PPP2R3A: variants seen among roughly 807,000 people sequenced by gnomAD.
PPP2R3A encodes the protein serine/threonine-protein phosphatase 2A regulatory subunit B'' subunit alpha.
Under a neutral mutation model 106.9 loss-of-function variants are expected in PPP2R3A, and 80 were observed. The observed-to-expected ratio is 0.75, with a 90% CI of 0.62 to 0.90. The LOEUF is 0.90. Ranked by LOEUF, PPP2R3A falls within the 40% of genes least tolerant of loss-of-function variation. The pLI is 0.00. For missense variants in PPP2R3A, 1,386 were observed against 1,350.4 expected, an observed-to-expected ratio of 1.03 and a Z score of -0.41; for synonymous variants, 483 against 468.3, an observed-to-expected ratio of 1.03 and a Z score of -0.41.
intron 2 of PPP2R3A, among the ~76,000 whole-genome samples, chr3:136,022,342 C>T (rs1042181553): frequency 1.3e-5 from 2 of 152,014 alleles, no homozygotes; most frequent in African/African-American, 4.8e-5. Flanking sequence ...CTATGATAGT[C>T]TTTTGCTTTA....
chr3:136,110,666 G>A (rs1417577336), intron 13 of PPP2R3A, among the ~76,000 whole-genome samples: 1 of 152,210 alleles, frequency 6.6e-6, no homozygotes, highest in East Asian at 1.9e-4. Context: ...GCAAGTGTAT[G>A]TGGCTATGTT....
rs1443139571 is a variant in PPP2R3A at position 136,145,744 on chromosome 3, AGTCACTTTACATCCTCAGGTATT to A, written c.*581_*603del. The A allele has an allele frequency of 6.6e-6, 1 of 152,664 alleles. No individual in the cohort carries two copies. Among genetic ancestry groups the A allele is most frequent in the Non-Finnish European group, 1.5e-5 (1 of 68,058 alleles). 9.5% of individuals were successfully genotyped at this position (152,664 alleles called of 1,614,324 possible). A position where few individuals can be genotyped will look rare whatever the true frequency, so the allele number is the denominator to read the frequency against. ...TTTCACAGTTACCTGCCAAACTACT[AGTCACTTTACATCCTCAGGTATT>A]GTAACCACTGGGCCTTCCAACTTTG... is the stretch of plus-strand genomic sequence containing the variant. On this transcript the variant is annotated 3_prime_UTR_variant, in exon 14 of 14. Transcript: ENST00000264977.
rs200112736 is a variant in PPP2R3A at position 136,080,990 on chromosome 3, CTTTTTTCTTTT to C, written c.2632-1264_2632-1254del. Among the ~76,000 whole-genome samples the C allele has an allele frequency of 6.2e-3, 943 of 151,802 alleles. 13 individuals are homozygous for C. Among genetic ancestry groups the C allele is most frequent in the African/African-American group, 0.022 (894 of 41,438 alleles). ...AGTCCTCTTTGTCCCTCATGTGTTT[CTTTTTTCTTTT>C]TTTTTTCTTTGAGACGGAGTTTTGC... On this transcript the variant is annotated intron_variant, in intron 7 of 13. Coordinates refer to ENST00000264977, the MANE Select transcript of PPP2R3A (RefSeq NM_002718.5).
chr3:135,977,964 G>A (rs1006889490), intron 1 of PPP2R3A, among the ~76,000 whole-genome samples: 2 of 151,830 alleles, frequency 1.3e-5, no homozygotes, highest in Non-Finnish European at 2.9e-5. Context: ...GCCTCCCAAA[G>A]TGCCAGGATT....
intron 13 of PPP2R3A, among the ~76,000 whole-genome samples, chr3:136,121,590 G>C (rs1304018344): frequency 6.6e-6 from 1 of 151,842 alleles, no homozygotes; most frequent in Non-Finnish European, 1.5e-5. Context: ...TAAAATAAAA[G>C]TTGAAAAAGA....
At chr3:136,030,774 ATATATATGTATGTATGTATGTATGTATG>A (rs1934848471) in intron 3 of PPP2R3A, among the ~76,000 whole-genome samples, 1 of 124,112 alleles carries the variant, frequency 8.1e-6, no homozygotes, top group Admixed American at 7.9e-5. Flanking sequence ...ATATATATAT[ATATATATGTATGTATGTATGTATGTATG>A]TATGTATGTA....
chr3:136,106,216 G>C lies in PPP2R3A; in HGVS notation c.3223G>C (p.Asp1075His), dbSNP rs1937513528. 1 of 1,599,724 alleles carries C rather than the reference G, an allele frequency of 6.3e-7. No homozygotes were observed. ...EQRDPFAVQK[D>H]VENDGPEPSD... ...TCGTGGCTGTCTTCTTTCCAATCAGGATGTTGAGAACGATGGGCCTGAGCC... is the reference window on the plus strand; with the variant it reads ...TCGTGGCTGTCTTCTTTCCAATCAGCATGTTGAGAACGATGGGCCTGAGCC... The change falls in exon 13 of 14, where the codon GAT becomes CAT. Residue 1075 changes from aspartate (D) to histidine (H), a missense_variant and splice_region_variant. Asp to His is a moderately conservative substitution (Grantham distance 81). Transcript: ENST00000264977.
rs150652893 is a variant in PPP2R3A, at chr3:136,013,293, G to A, written c.1995+9800G>A. ...GGGCTGGTTCCATAGTTTTGCAATT[G>A]CAAATTGTGCTGCTATAAACGTGAG... is the stretch of plus-strand genomic sequence containing the variant. On this transcript the variant is annotated intron_variant, in intron 2 of 13. Coordinates refer to ENST00000264977, the MANE Select transcript of PPP2R3A (RefSeq NM_002718.5). Among the ~76,000 whole-genome samples, 1,108 of 151,986 alleles carry A rather than the reference G, an allele frequency of 7.3e-3. 17 individuals are homozygous for A. Among genetic ancestry groups the A allele is most frequent in the African/African-American group, 0.025 (1,054 of 41,464 alleles).
chr3:136,024,491 A>C (rs1290736080), intron 2 of PPP2R3A, among the ~76,000 whole-genome samples: 1 of 152,204 alleles, frequency 6.6e-6, no homozygotes, highest in African/African-American at 2.4e-5. Context: ...TGTTAAGTAC[A>C]CTAAGAAAAG....
intron 1 of PPP2R3A, among the ~76,000 whole-genome samples, chr3:135,991,009 C>G: frequency 6.6e-6 from 1 of 152,118 alleles, no homozygotes; most frequent in East Asian, 1.9e-4. Flanking sequence ...CTGCTAGCTC[C>G]CACACATCCC....
At chr3:136,092,960 G>A (rs923304278) in intron 10 of PPP2R3A, among the ~76,000 whole-genome samples, 1 of 152,064 alleles carries the variant, frequency 6.6e-6, no homozygotes, top group Non-Finnish European at 1.5e-5. Context: ...TAAGTCAAAT[G>A]GATCACAGCC....
chr3:136,138,895 GA>G (rs1265902180), intron 13 of PPP2R3A, among the ~76,000 whole-genome samples: 3 of 151,394 alleles, frequency 2.0e-5, no homozygotes, highest in Admixed American at 1.3e-4. Context: ...ATTTTTAGTA[GA>G]GACAGGGTTT....
At chr3:136,071,470 A>G (rs188390936) in intron 6 of PPP2R3A, among the ~76,000 whole-genome samples, 1 of 152,300 alleles carries the variant, frequency 6.6e-6, no homozygotes, top group East Asian at 1.9e-4. Flanking sequence ...TATCTAAGAC[A>G]ATCTCAGAAG....
At chr3:136,080,825 A>G (rs1019488337) in intron 7 of PPP2R3A, among the ~76,000 whole-genome samples, 2 of 152,194 alleles carry the variant, frequency 1.3e-5, no homozygotes, top group Admixed American at 1.3e-4. Flanking sequence ...TACTAGCTGC[A>G]TAATTTTCTA....
chr3:136,058,536 A>G (rs550911454), intron 5 of PPP2R3A, among the ~76,000 whole-genome samples: 1 of 152,228 alleles, frequency 6.6e-6, no homozygotes. Flanking sequence ...ATGGAAAAAC[A>G]TTCCATGCTC....
intron 5 of PPP2R3A, among the ~76,000 whole-genome samples, chr3:136,064,899 G>C (rs1265159857): frequency 6.6e-6 from 1 of 152,052 alleles, no homozygotes; most frequent in African/African-American, 2.4e-5. Context: ...TTAGTTTATA[G>C]CATCTAAAAT....
chr3:136,065,209 C>A (rs1936224595), intron 5 of PPP2R3A, among the ~76,000 whole-genome samples: 1 of 152,090 alleles, frequency 6.6e-6, no homozygotes, highest in African/African-American at 2.4e-5. Context: ...TGAGCTAAAT[C>A]CACATGTTTC....
At chr3:136,050,134 A>C (rs545208557) in intron 5 of PPP2R3A, among the ~76,000 whole-genome samples, 1 of 152,214 alleles carries the variant, frequency 6.6e-6, no homozygotes, top group Non-Finnish European at 1.5e-5. Flanking sequence ...CATAGACTCT[A>C]TATGTACTTA....
At chr3:135,987,502 A>G (rs1275529422) in intron 1 of PPP2R3A, among the ~76,000 whole-genome samples, 1 of 152,130 alleles carries the variant, frequency 6.6e-6, no homozygotes, top group Non-Finnish European at 1.5e-5. Flanking sequence ...ACAGTAACCC[A>G]TTGCTCTGGA....
Sources: allele counts gnomAD v4.1 joint callset (sites outside exome capture counted in the v4.1 genomes callset), GRCh38; gene constraint gnomAD v4.1.1; transcripts MANE v1.5; gene names NCBI Gene and HGNC (gene_info 2026-07-23, HGNC 2026-07-21).